Variants in PTPRT observed in about 807,000 individuals in gnomAD.
PTPRT encodes protein tyrosine phosphatase receptor type T.
In PTPRT, 56 loss-of-function variants were observed where a neutral mutation model predicts 176.8. The observed-to-expected ratio is 0.32, with a 90% confidence interval of 0.26 to 0.40. PTPRT has a LOEUF of 0.40. Among genes scored for constraint, PTPRT ranks in the 10% least tolerant of loss-of-function variants. The probability of loss-of-function intolerance (pLI) is 1.00; values close to 1 mark genes in which losing one functional copy is unlikely to be tolerated. For missense variants in PTPRT, 1,540 were observed against 1,908.2 expected (o/e 0.81, Z 3.60); for synonymous variants, 783 against 739.0 (o/e 1.06, Z -0.96).
chr20:42,113,363 A>G (rs980143422), intron 22 of PTPRT, among the ~76,000 whole-genome samples: 20 of 152,218 alleles, frequency 1.3e-4, no homozygotes, highest in African/African-American at 4.6e-4. Context: ...GATGTGGCAG[A>G]TGAGACTGGT....
intron 7 of PTPRT, among the ~76,000 whole-genome samples, chr20:42,535,806 G>T (rs1003384202): frequency 3.3e-5 from 5 of 152,122 alleles, no homozygotes; most frequent in African/African-American, 1.2e-4. Flanking sequence ...TTTGAAGCGG[G>T]CTTGGTTCAG....
At chr20:42,243,699 T>A (rs747491858) in intron 14 of PTPRT, among the ~76,000 whole-genome samples, 1 of 152,156 alleles carries the variant, frequency 6.6e-6, no homozygotes. Context: ...CCTGTCAGTC[T>A]CCATGGACTG....
intron 7 of PTPRT, among the ~76,000 whole-genome samples, chr20:42,568,093 C>A (rs1269083373): frequency 6.6e-6 from 1 of 151,800 alleles, no homozygotes; most frequent in East Asian, 1.9e-4. Context: ...CTCAGGCTCC[C>A]GAGTAGCTGG....
chr20:42,593,611 G>A (rs2073618007), intron 7 of PTPRT, among the ~76,000 whole-genome samples: 2 of 152,122 alleles, frequency 1.3e-5, no homozygotes, highest in Admixed American at 6.5e-5. Flanking sequence ...AACTCTCATC[G>A]AAGAGTGGGA....
intron 2 of PTPRT, among the ~76,000 whole-genome samples, chr20:42,795,821 T>C (rs2077446063): frequency 6.6e-6 from 1 of 152,210 alleles, no homozygotes; most frequent in South Asian, 2.1e-4. Flanking sequence ...CCCTCATCTA[T>C]AAAATGGGAT....
rs780419199 is a variant in PTPRT at position 43,182,394 on chromosome 20, CT to C, written c.88+7251del. Among the ~76,000 whole-genome samples, 497 of 146,144 alleles carry C rather than the reference CT, an allele frequency of 3.4e-3. 1 individual carries two copies. The highest frequency in any genetic ancestry group is 9.2e-3 in the African/African-American group (368 of 40,174). ...TTAGAAGTTTGCAAACATCTTCCTT[CT>C]TTTTTTTTTTTCCGAGACACAGTCT... On this transcript the variant is annotated intron_variant, in intron 1 of 30. Transcript: ENST00000373187.
intron 6 of PTPRT, among the ~76,000 whole-genome samples, chr20:42,684,355 A>T (rs1221706307): frequency 1.3e-5 from 2 of 152,174 alleles, no homozygotes; most frequent in Non-Finnish European, 2.9e-5. Flanking sequence ...AAAAAAAAAA[A>T]AATTAGTCTT....
chr20:42,032,426 T>G, the PTPRT span, among the ~76,000 whole-genome samples: 1 of 152,166 alleles, frequency 6.6e-6, no homozygotes, highest in Non-Finnish European at 1.5e-5. Flanking sequence ...TTGTTTTCCA[T>G]GATGTTTAGC....
intron 7 of PTPRT, among the ~76,000 whole-genome samples, chr20:42,525,134 C>G (rs1274455027): frequency 6.6e-6 from 1 of 151,934 alleles, no homozygotes; most frequent in African/African-American, 2.4e-5. Context: ...ATGAGCACAC[C>G]ACCACAGCTG....
chr20:42,663,465 G>C (rs533074391), intron 7 of PTPRT, among the ~76,000 whole-genome samples: 3 of 152,156 alleles, frequency 2.0e-5, no homozygotes, highest in Non-Finnish European at 4.4e-5. Flanking sequence ...ATGTGGCTTC[G>C]GCAGGGTGGT....
At chr20:42,298,526 A>G (rs936752747) in intron 12 of PTPRT, among the ~76,000 whole-genome samples, 5 of 152,242 alleles carry the variant, frequency 3.3e-5, no homozygotes, top group South Asian at 2.1e-4. Context: ...ATACAAAAAT[A>G]TATGTGCACA....
chr20:42,463,501 G>T (rs1318685832), intron 8 of PTPRT, among the ~76,000 whole-genome samples: 1 of 152,098 alleles, frequency 6.6e-6, no homozygotes, highest in Non-Finnish European at 1.5e-5. Context: ...ATGTTTTCTT[G>T]TGCCTTAAAG....
chr20:43,139,120 G>A lies in PTPRT; in HGVS notation c.88+50526C>T, dbSNP rs141875084. Among the ~76,000 whole-genome samples, 22 of 152,274 alleles carry A rather than the reference G, an allele frequency of 1.4e-4. No homozygotes were observed. The East Asian group carries it at 2.9e-3, about 20-fold the overall frequency. ...GCATCCACTTAATCTAATAGAGACC[G>A]CATGGTACAGGCAAGAAGTGTTGCT... On this transcript the variant is annotated intron_variant, in intron 1 of 30. Transcript: ENST00000373187.
intron 12 of PTPRT, among the ~76,000 whole-genome samples, chr20:42,299,641 C>CTTTTTT (rs34045854): frequency 0.013 from 1,106 of 85,758 alleles, 30 homozygotes; most frequent in African/African-American, 0.017. Context: ...GAACTTTTGC[C>CTTTTTT]TTTTTTTTTT....
chr20:42,052,426 T>C, the PTPRT span, among the ~76,000 whole-genome samples: 5 of 152,220 alleles, frequency 3.3e-5, no homozygotes, highest in Non-Finnish European at 5.9e-5. Flanking sequence ...AGTTCAATTA[T>C]GTACCTGCTT....
intron 1 of PTPRT, among the ~76,000 whole-genome samples, chr20:43,087,934 AT>A (rs2011666952): frequency 6.6e-6 from 1 of 152,138 alleles, no homozygotes; most frequent in Non-Finnish European, 1.5e-5. Flanking sequence ...AGGTTACAAA[AT>A]TACAGCTAGA....
chr20:43,106,666 G>GAAAAAAAAAAAAAA (rs71193676), intron 1 of PTPRT, among the ~76,000 whole-genome samples: 1 of 87,002 alleles, frequency 1.1e-5, no homozygotes, highest in Admixed American at 1.6e-4. Flanking sequence ...CTCAAAAAAA[G>GAAAAAAAAAAAAAA]AAAAAAAAAA....
At chr20:42,636,770 G>T (rs1415361533) in intron 7 of PTPRT, among the ~76,000 whole-genome samples, 2 of 152,174 alleles carry the variant, frequency 1.3e-5, no homozygotes, top group Non-Finnish European at 2.9e-5. Context: ...GGGTGACAGA[G>T]TGAGACTCCA....
At chr20:42,871,398 C>T (rs562547912) in intron 2 of PTPRT, among the ~76,000 whole-genome samples, 10 of 151,700 alleles carry the variant, frequency 6.6e-5, no homozygotes, top group Admixed American at 1.3e-4. Flanking sequence ...AGTAACCCTA[C>T]AAGAGAGGTT....
Sources: gnomAD v4.1 joint callset for allele counts (sites outside exome capture counted in the v4.1 genomes callset) on GRCh38, gnomAD v4.1.1 for gene constraint, MANE v1.5 for transcripts, NCBI Gene and HGNC (gene_info 2026-07-23, HGNC 2026-07-21) for gene names.